PHIP: variants seen among roughly 807,000 people sequenced by gnomAD.
The protein encoded by PHIP is PH-interacting protein.
In PHIP, 54 loss-of-function variants were observed where a neutral mutation model predicts 236.8. The ratio of observed to expected loss-of-function variants is 0.23; its 90% CI spans 0.18 to 0.29. PHIP has a LOEUF of 0.29. PHIP is among the 10% of genes least tolerant of loss of function. PHIP has a pLI of 1.00. For synonymous variants in PHIP, 756 were observed against 718.9 expected, an observed-to-expected ratio of 1.05 and a Z score of -0.83; for missense variants, 1,370 against 2,190.8, an observed-to-expected ratio of 0.63 and a Z score of 7.48.
At chr6:78,973,202 A>AAGAG (rs1052561203) in intron 24 of PHIP, among the ~76,000 whole-genome samples, 7 of 152,248 alleles carry the variant, frequency 4.6e-5, no homozygotes, top group African/African-American at 1.7e-4. Flanking sequence ...TACAAGCCAG[A>AAGAG]AGAGAGTGGG....
Position 78,955,394 on chromosome 6 carries a change from T to C in PHIP, c.3853-112A>G. The C allele has an allele frequency of 6.5e-6, 5 of 768,860 alleles. No individual in the cohort carries two copies. The South Asian group carries it at 9.9e-5, about 15-fold the overall frequency. The allele number at this position is 768,860 out of a possible 1,614,324, so 47.6% of individuals were successfully genotyped here. On this transcript the variant is annotated intron_variant, in intron 33 of 39. Coordinates refer to ENST00000275034, the MANE Select transcript of PHIP (RefSeq NM_017934.7). ...CACACTGGAACACCTGTAATGTATA[T>C]GCTGGGGCACTTTATTGACTCATTA... is the stretch of plus-strand genomic sequence containing the variant.
rs575147745 is a variant in PHIP at position 78,986,714 on chromosome 6, C to T, written c.2461-1286G>A. Reference sequence around the variant, plus strand: ...TTTAATATTTAAATAAAATAATATACTTGGGACAAAAGTTTTCCCATTTTG... The same window carrying T: ...TTTAATATTTAAATAAAATAATATATTTGGGACAAAAGTTTTCCCATTTTG... On this transcript the variant is annotated intron_variant, in intron 21 of 39. Transcript: ENST00000275034. Among the ~76,000 whole-genome samples, 43 of 152,200 alleles carry T rather than the reference C, an allele frequency of 2.8e-4. 1 individual carries two copies. In the South Asian group the frequency reaches 8.7e-3, roughly 31 times the overall value.
In PHIP at chr6:78,937,033, A is replaced by G. The variant is rs1305310875; in HGVS notation, c.*3660T>C. The G allele has an allele frequency of 6.6e-6, 1 of 151,816 alleles. No individual in the cohort carries two copies. The highest frequency in any genetic ancestry group is 1.5e-5 in the Non-Finnish European group (1 of 67,702). The allele number at this position is 151,816 out of a possible 1,614,324, so 9.4% of individuals were successfully genotyped here. On this transcript the variant is annotated 3_prime_UTR_variant, in exon 40 of 40. Coordinates refer to ENST00000275034, the MANE Select transcript of PHIP (RefSeq NM_017934.7). ...TGTTAGAAATACTTTTTAGGTTAAT[A>G]GGAGTAATCAGATGATAAAACTACT...
At chr6:79,067,118 C>G (rs1773662443) in intron 4 of PHIP, among the ~76,000 whole-genome samples, 2 of 152,160 alleles carry the variant, frequency 1.3e-5, no homozygotes, top group African/African-American at 2.4e-5. Flanking sequence ...AACTCCTGGC[C>G]TCAAGTGATC....
rs571476627 is a variant in PHIP, at chr6:79,015,799, T to G, written c.1236-16A>C. The G allele has an allele frequency of 6.3e-7, 1 of 1,590,718 alleles. No individual in the cohort carries two copies. The highest frequency in any genetic ancestry group is 1.8e-5 in the Admixed American group (1 of 56,802). On this transcript the variant is annotated splice_polypyrimidine_tract_variant and intron_variant, in intron 13 of 39. Transcript: ENST00000275034. ...AAGGTTTTGGCTGAAAGTGAGGAAG[T>G]GTTTTACACTGACTATTAAAATACT... is the stretch of plus-strand genomic sequence containing the variant.
chr6:79,036,406 C>T (rs746509599), intron 7 of PHIP, among the ~76,000 whole-genome samples: 26 of 130,650 alleles, frequency 2.0e-4, no homozygotes, highest in African/African-American at 2.6e-5. Flanking sequence ...AATGACCATA[C>T]TCTGCCTCTT....
At chr6:78,972,974 T>G (rs1410918759) in intron 24 of PHIP, among the ~76,000 whole-genome samples, 2 of 139,428 alleles carry the variant, frequency 1.4e-5, no homozygotes, top group African/African-American at 5.1e-5. Flanking sequence ...TCCACGAGAA[T>G]TTCCCCAATC....
chr6:79,029,957 G>A lies in PHIP; in HGVS notation c.601-3793C>T, dbSNP rs184676918. Among the ~76,000 whole-genome samples the A allele has an allele frequency of 1.6e-4, 24 of 152,234 alleles. No individual in the cohort carries two copies. The East Asian group carries it at 4.4e-3, about 28-fold the overall frequency. Reference sequence around the variant, plus strand: ...CCTCTAGTTCCACGAATGTTACTAAGATCAATAAGCCAAAGAGTAAGATAT... The same window carrying A: ...CCTCTAGTTCCACGAATGTTACTAAAATCAATAAGCCAAAGAGTAAGATAT... On this transcript the variant is annotated intron_variant, in intron 7 of 39. Transcript: ENST00000275034.
intron 9 of PHIP, among the ~76,000 whole-genome samples, chr6:79,022,781 G>C (rs551377888): frequency 6.6e-6 from 1 of 152,114 alleles, no homozygotes; most frequent in Non-Finnish European, 1.5e-5. Flanking sequence ...ATCTTTGCTC[G>C]TGAGTTGGTA....
chr6:79,013,142 T>C (rs780895788), intron 15 of PHIP, among the ~76,000 whole-genome samples: 2 of 151,720 alleles, frequency 1.3e-5, no homozygotes, highest in Non-Finnish European at 3.0e-5. Flanking sequence ...ATGTACAGTT[T>C]CTCCATTCCT....
intron 19 of PHIP, among the ~76,000 whole-genome samples, 157 bp downstream of exon 19, chr6:78,997,257 T>C (rs1183989697): frequency 6.6e-6 from 1 of 152,178 alleles, no homozygotes; most frequent in African/African-American, 2.4e-5. Context: ...AAATATATTT[T>C]AGAAACTTAA....
chr6:78,953,646 T>G (rs1488007414), intron 35 of PHIP, among the ~76,000 whole-genome samples: 1 of 152,232 alleles, frequency 6.6e-6, no homozygotes, highest in Non-Finnish European at 1.5e-5. Flanking sequence ...ATTCTATGTT[T>G]CTGGCATTTT....
intron 17 of PHIP, among the ~76,000 whole-genome samples, chr6:79,000,865 A>T (rs1013374634): frequency 1.3e-5 from 2 of 152,102 alleles, no homozygotes; most frequent in African/African-American, 4.8e-5. Context: ...AGCAGCAGGA[A>T]TGATTCCTCT....
At chr6:79,030,966 C>A (rs1215343128) in intron 7 of PHIP, among the ~76,000 whole-genome samples, 1 of 151,750 alleles carries the variant, frequency 6.6e-6, no homozygotes, top group East Asian at 1.9e-4. Flanking sequence ...TGTTTTGAGA[C>A]GAAGTCTTCC....
chr6:79,063,973 C>T (rs1433496624), intron 4 of PHIP, among the ~76,000 whole-genome samples: 5 of 152,026 alleles, frequency 3.3e-5, no homozygotes, highest in Admixed American at 6.6e-5. Context: ...CCCAAGAATC[C>T]TCTTCCCCAC....
At chr6:79,077,382 G>A in intron 4 of PHIP, 66 bp downstream of exon 4, 1 of 1,399,646 alleles carries the variant, frequency 7.1e-7, no homozygotes, top group Non-Finnish European at 1.0e-6. Context: ...GTAAAAAATT[G>A]CGGGAAATTC....
chr6:79,061,507 T>A (rs985937730), intron 4 of PHIP, among the ~76,000 whole-genome samples: 1 of 152,132 alleles, frequency 6.6e-6, no homozygotes, highest in Non-Finnish European at 1.5e-5. Flanking sequence ...GGAAAATGTC[T>A]CCTCTATTAA....
rs141705771 is a variant in PHIP, at chr6:78,946,758, C to T, written c.4323G>A (p.Arg1441=). Residue 1441 remains arginine, a synonymous_variant, in exon 37 of 40, where the codon AGG becomes AGA. Coordinates refer to ENST00000275034, the MANE Select transcript of PHIP (RefSeq NM_017934.7). ...FHKRNTITKR[R]KKRNRSSSVS... ...CAGAGCTGCTTCTGTTTCTTTTCTT[C>T]CTCCTTTTGGTTATGGTATTTCTTT... 2 of 1,590,090 alleles carry T rather than the reference C, an allele frequency of 1.3e-6. No individual in the cohort carries two copies. The highest frequency in any genetic ancestry group is 1.7e-6 in the Non-Finnish European group (2 of 1,171,698).
In PHIP at chr6:78,985,417, T is replaced by C; in HGVS notation, c.2472A>G (p.Val824=). The C allele has an allele frequency of 6.3e-7, 1 of 1,578,034 alleles. No homozygotes were observed. Among genetic ancestry groups the C allele is most frequent in the Non-Finnish European group, 8.7e-7 (1 of 1,147,136 alleles). ...NGSSSSDEGE[V]VAVSGGTSEE... ...CGGATGTTCCACCACTGACAGCAACTACTTCGCCTTCCTAAGATATGTTGA... is the reference window on the plus strand; with the variant it reads ...CGGATGTTCCACCACTGACAGCAACCACTTCGCCTTCCTAAGATATGTTGA... The change falls in exon 22 of 40, where the codon GTA becomes GTG. Residue 824 remains valine, a synonymous_variant. Coordinates refer to ENST00000275034, the MANE Select transcript of PHIP (RefSeq NM_017934.7).
Sources: allele counts gnomAD v4.1 joint callset (sites outside exome capture counted in the v4.1 genomes callset), GRCh38; gene constraint gnomAD v4.1.1; transcripts MANE v1.5; gene names NCBI Gene and HGNC (gene_info 2026-07-23, HGNC 2026-07-21).